Variants in CHMP6 observed in about 807,000 individuals in gnomAD.
CHMP6 encodes the protein chromatin-modifying protein 6.
In CHMP6, 10 loss-of-function variants were observed where a neutral mutation model predicts 32.8. That is an observed-to-expected ratio of 0.30 (90% CI 0.19 to 0.52). The LOEUF is 0.52. Among genes scored for constraint, CHMP6 ranks in the 20% least tolerant of loss-of-function variants. CHMP6 has a pLI of 0.97. For missense variants in CHMP6, 269 were observed against 263.8 expected, an observed-to-expected ratio of 1.02 and a Z score of -0.14; for synonymous variants, 123 against 105.8, an observed-to-expected ratio of 1.16 and a Z score of -1.00.
At position 80,999,197 on chromosome 17, in the gene CHMP6, G is replaced by A. The variant is rs1475106934; in HGVS notation, c.*44G>A. The A allele has an allele frequency of 1.9e-6, 3 of 1,610,390 alleles. No homozygotes were observed. Among genetic ancestry groups the A allele is most frequent in the Non-Finnish European group, 2.5e-6 (3 of 1,177,164 alleles). ...GACTCACGGGGATGCCCCAGGGACT[G>A]TGGCCCACAGAGAGTTTGGGTCACG... On this transcript the variant is annotated 3_prime_UTR_variant, in exon 8 of 8. Transcript: ENST00000325167.
At chr17:80,992,118 G>A (rs2069597436) in intron 1 of CHMP6, 137 bp downstream of exon 1, 3 of 527,780 alleles carry the variant, frequency 5.7e-6, no homozygotes, top group African/African-American at 4.0e-5. Flanking sequence ...GCGCAGCCGG[G>A]CCCCTCGGTC....
At chr17:80,995,573 ACCCG>A in intron 3 of CHMP6, 95 bp from the exon 4 acceptor site, 1 of 993,564 alleles carries the variant, frequency 1.0e-6, no homozygotes, top group Non-Finnish European at 1.6e-6. Context: ...GCCCAGCAGC[ACCCG>A]CCCAGCAAGG....
chr17:80,991,995 C>A lies in CHMP6; in HGVS notation c.63+14C>A. ...AAGGCCATCCTGGTGAGGGCCCGGG[C>A]CCGGGGTCAGGGCTGGGGCCGGGAC... is the stretch of plus-strand genomic sequence containing the variant. On this transcript the variant is annotated intron_variant, in intron 1 of 7. Coordinates refer to ENST00000325167, the MANE Select transcript of CHMP6 (RefSeq NM_024591.5). 1 of 1,414,326 alleles carries A rather than the reference C, an allele frequency of 7.1e-7. No homozygotes were observed. The highest frequency in any genetic ancestry group is 9.3e-7 in the Non-Finnish European group (1 of 1,071,962). 87.6% of individuals were successfully genotyped at this position (1,414,326 alleles called of 1,614,324 possible). A position where few individuals can be genotyped will look rare whatever the true frequency, so the allele number is the denominator to read the frequency against.
chr17:80,995,763 GTC>G lies in CHMP6; in HGVS notation c.348+9_348+10del. 1 of 1,613,656 alleles carries G rather than the reference GTC, an allele frequency of 6.2e-7. No homozygotes were observed. The highest frequency in any genetic ancestry group is 1.3e-5 in the African/African-American group (1 of 75,056). ...TGTCTGAACAAGATGCACCAGGTGA[GTC>G]TCTGCAGGGCCAGGGGCATGGAGGT... On this transcript the variant is annotated splice_donor_region_variant and intron_variant, in intron 4 of 7. Transcript: ENST00000325167.
chr17:80,995,169 C>A, intron 3 of CHMP6, 63 bp downstream of exon 3: 1 of 1,470,262 alleles, frequency 6.8e-7, no homozygotes, highest in Non-Finnish European at 9.3e-7. Context: ...CGCCCGGCTG[C>A]GTGGACATCA....
chr17:80,991,928 C>G lies in CHMP6; in HGVS notation c.10C>G (p.Leu4Val). 1 of 1,468,614 alleles carries G rather than the reference C, an allele frequency of 6.8e-7. No homozygotes were observed. Among genetic ancestry groups the G allele is most frequent in the Non-Finnish European group, 9.1e-7 (1 of 1,104,490 alleles). The allele number at this position is 1,468,614 out of a possible 1,614,324, so 91.0% of individuals were successfully genotyped here. ...AGGGGCGGGCGCCGCCATGGGTAAC[C>G]TGTTCGGCCGCAAGAAGCAGAGCCG... MGNLFGRKKQSRVT... is the reference protein window; with the variant it reads MGNVFGRKKQSRVT... Residue 4 changes from leucine (L) to valine (V), a missense_variant, in exon 1 of 8, where the codon CTG becomes GTG. Leu to Val is a conservative substitution (Grantham distance 32). Transcript: ENST00000325167.
intron 1 of CHMP6, among the ~76,000 whole-genome samples, chr17:80,992,679 G>A (rs1027524876): frequency 1.2e-4 from 18 of 152,214 alleles, no homozygotes; most frequent in African/African-American, 3.6e-4. Flanking sequence ...GGGCACAGCC[G>A]GGCCGGTGGT....
rs1187588227 is a variant in CHMP6, at chr17:80,992,056, G to A, written c.63+75G>A. On this transcript the variant is annotated intron_variant, in intron 1 of 7. Coordinates refer to ENST00000325167, the MANE Select transcript of CHMP6 (RefSeq NM_024591.5). The stretch of plus-strand genomic sequence containing the variant: ...GCCGGGGCGGGCGGCGGGGCCGGAA[G>A]AGCCCCGCGCCCTCGGCCCCCCGCG... The A allele has an allele frequency of 1.1e-5, 12 of 1,094,210 alleles. No individual in the cohort carries two copies. The East Asian group carries it at 1.4e-4, about 13-fold the overall frequency. The allele number at this position is 1,094,210 out of a possible 1,614,324, so 67.8% of individuals were successfully genotyped here.
Position 81,000,042 on chromosome 17 carries a change from C to A in CHMP6, c.*889C>A, listed in dbSNP as rs145333700. The A allele has an allele frequency of 1.3e-5, 2 of 152,432 alleles. No individual in the cohort carries two copies. The highest frequency in any genetic ancestry group is 4.1e-4 in the South Asian group (2 of 4,832). 9.4% of individuals were successfully genotyped at this position (152,432 alleles called of 1,614,324 possible). A position where few individuals can be genotyped will look rare whatever the true frequency, so the allele number is the denominator to read the frequency against. ...TTATGAGACGATCTCGCTGGGACCG[C>A]CCCTGCCCGTGGAAAGCCACAAGGA... On this transcript the variant is annotated 3_prime_UTR_variant, in exon 8 of 8. Transcript: ENST00000325167.
rs767272050 is a variant in CHMP6, at chr17:80,991,943, AAGC to A, written c.28_30del (p.Gln10del). On this transcript the variant is annotated inframe_deletion, in exon 1 of 8. Coordinates refer to ENST00000325167, the MANE Select transcript of CHMP6 (RefSeq NM_024591.5). ...CATGGGTAACCTGTTCGGCCGCAAG[AAGC>A]AGAGCCGCGTCACGGAGCAGGACAA... 2 of 1,468,386 alleles carry A rather than the reference AAGC, an allele frequency of 1.4e-6. No individual in the cohort carries two copies. Among genetic ancestry groups the A allele is most frequent in the East Asian group, 6.0e-5 (2 of 33,336 alleles). 91.0% of individuals were successfully genotyped at this position (1,468,386 alleles called of 1,614,324 possible).
intron 1 of CHMP6, among the ~76,000 whole-genome samples, chr17:80,994,104 C>T (rs552420741): frequency 5.3e-5 from 8 of 152,252 alleles, no homozygotes; most frequent in South Asian, 2.1e-4. Flanking sequence ...TTAGTAGAGA[C>T]GGGGTTTCAC....
intron 4 of CHMP6, among the ~76,000 whole-genome samples, chr17:80,996,323 A>G (rs77836013): frequency 8.6e-6 from 1 of 116,284 alleles, no homozygotes; most frequent in African/African-American, 3.9e-5. Context: ...CCGTCTCAGG[A>G]AAAAAAAAAA....
chr17:80,993,066 C>A (rs2069606632), intron 1 of CHMP6, among the ~76,000 whole-genome samples: 1 of 152,186 alleles, frequency 6.6e-6, no homozygotes, highest in Non-Finnish European at 1.5e-5. Flanking sequence ...CACCTTCCAC[C>A]TACCCTGCCA....
rs556624615 is a variant in CHMP6 at position 80,998,556 on chromosome 17, G to A, written c.550+136G>A. The A allele has an allele frequency of 6.4e-6, 10 of 1,551,310 alleles. No individual in the cohort carries two copies. In the Admixed American group the frequency reaches 1.9e-4, roughly 30 times the overall value. ...CTGCTGCCTGGCTGTTTGGCTTGGGGGCGTGCGTGCCTGGCCTTGGGGTTG... is the reference window on the plus strand; with the variant it reads ...CTGCTGCCTGGCTGTTTGGCTTGGGAGCGTGCGTGCCTGGCCTTGGGGTTG... On this transcript the variant is annotated intron_variant, in intron 7 of 7. Transcript: ENST00000325167.
rs2069656868 is a variant in CHMP6, at chr17:80,998,363, C to A, written c.496-3C>A. ...TCATAGCCTTACCCTTTGCTTCTTG[C>A]AGGAACAAATAGAGCTGCCAGAGGT... On this transcript the variant is annotated splice_region_variant and splice_polypyrimidine_tract_variant and intron_variant, in intron 6 of 7. Coordinates refer to ENST00000325167, the MANE Select transcript of CHMP6 (RefSeq NM_024591.5). 1 of 1,614,078 alleles carries A rather than the reference C, an allele frequency of 6.2e-7. No individual in the cohort carries two copies. Among genetic ancestry groups the A allele is most frequent in the Admixed American group, 1.7e-5 (1 of 60,012 alleles).
chr17:80,993,593 T>A (rs1207175895), intron 1 of CHMP6, among the ~76,000 whole-genome samples: 1 of 152,244 alleles, frequency 6.6e-6, no homozygotes, highest in African/African-American at 2.4e-5. Context: ...GCCTCCTGCC[T>A]TAAGGCCATA....
intron 3 of CHMP6, 133 bp downstream of exon 3, chr17:80,995,239 A>C (rs2069627195): frequency 2.4e-6 from 2 of 837,706 alleles, no homozygotes; most frequent in South Asian, 3.5e-5. Flanking sequence ...GCTGACCTGA[A>C]GAGGGGCGGG....
intron 1 of CHMP6, among the ~76,000 whole-genome samples, chr17:80,992,896 G>A (rs114839146): frequency 6.6e-6 from 1 of 152,354 alleles, no homozygotes; most frequent in African/African-American, 2.4e-5. Flanking sequence ...TATACTAAAA[G>A]AGAAGCGAAT....
At position 80,997,318 on chromosome 17, in the gene CHMP6, G is replaced by A. The variant is rs763891085; in HGVS notation, c.472G>A (p.Glu158Lys). Reference protein sequence around the residue: ...FTQEDEDAILEELSAITQEQI... With the variant: ...FTQEDEDAILKELSAITQEQI... ...TCAGGAGGATGAAGACGCCATCCTG[G>A]AGGAGCTGAGCGCAATCACTCAGGT... Residue 158 changes from glutamate to lysine, a missense_variant, in exon 6 of 8, where the codon GAG (glutamate) becomes AAG (lysine). Glu to Lys is a moderately conservative substitution (Grantham distance 56). Coordinates refer to ENST00000325167, the MANE Select transcript of CHMP6 (RefSeq NM_024591.5). 1.4e-6 allele frequency: 2 copies of A among 1,387,850 alleles called. No individual in the cohort carries two copies. The highest frequency in any genetic ancestry group is 2.4e-5 in the South Asian group (2 of 82,168). The allele number at this position is 1,387,850 out of a possible 1,614,324, so 86.0% of individuals were successfully genotyped here.
Sources: gnomAD v4.1 joint callset for allele counts (sites outside exome capture counted in the v4.1 genomes callset) on GRCh38, gnomAD v4.1.1 for gene constraint, MANE v1.5 for transcripts, NCBI Gene and HGNC (gene_info 2026-07-23, HGNC 2026-07-21) for gene names.